The following FOXK1 variants were observed in gnomAD, a reference collection of about 807,000 sequenced individuals.
The protein encoded by FOXK1 is forkhead box protein K1.
FOXK1 carries 19 observed loss-of-function variants against 51.9 expected under a neutral mutation model. That is an observed-to-expected ratio of 0.37 (90% confidence interval 0.26 to 0.54). The LOEUF is 0.54. Among genes scored for constraint, FOXK1 ranks in the 20% least tolerant of loss-of-function variants. The probability of loss-of-function intolerance (pLI) is 0.87; values close to 1 mark genes in which losing one functional copy is unlikely to be tolerated. For synonymous variants in FOXK1, 537 were observed against 482.6 expected, an observed-to-expected ratio of 1.11 and a Z score of -1.48; for missense variants, 870 against 1,032.7, an observed-to-expected ratio of 0.84 and a Z score of 2.16.
At chr7:4,736,882 C>T (rs186568256) in intron 1 of FOXK1, among the ~76,000 whole-genome samples, 25 of 152,336 alleles carry the variant, frequency 1.6e-4, no homozygotes, top group African/African-American at 5.3e-4. Flanking sequence ...GCACACCTTA[C>T]GGCTCTCATT....
intron 2 of FOXK1, among the ~76,000 whole-genome samples, chr7:4,742,137 G>A (rs986054381): frequency 6.6e-5 from 10 of 152,250 alleles, no homozygotes; most frequent in South Asian, 4.1e-4. Flanking sequence ...TCGCTCGCGC[G>A]TCACCAGCAA....
At chr7:4,721,595 T>C (rs905068928) in intron 1 of FOXK1, among the ~76,000 whole-genome samples, 19 of 143,022 alleles carry the variant, frequency 1.3e-4, no homozygotes, top group African/African-American at 3.9e-4. Flanking sequence ...TTTTCTTTTT[T>C]TTTTTTTTTT....
Position 4,743,904 on chromosome 7 carries a change from T to A in FOXK1, c.746+2881T>A, listed in dbSNP as rs1780667820. On this transcript the variant is annotated intron_variant, in intron 2 of 8. Coordinates refer to ENST00000328914, the MANE Select transcript of FOXK1 (RefSeq NM_001037165.2). This position sits in a 1 kb window ranked among gnomAD's most constrained non-coding sequence, Gnocchi z 5.3. The stretch of plus-strand genomic sequence containing the variant: ...CTTTTTTTTTTTTTTTGAGACGGAG[T>A]CTTGCTCTGTCGCCCAGGCTGGAGT... Among the ~76,000 whole-genome samples, 1 of 147,740 alleles carries A rather than the reference T, an allele frequency of 6.8e-6. No homozygotes were observed. The highest frequency in any genetic ancestry group is 1.5e-5 in the Non-Finnish European group (1 of 67,102).
chr7:4,712,919 A>G (rs1244160822), intron 1 of FOXK1, among the ~76,000 whole-genome samples: 1 of 152,188 alleles, frequency 6.6e-6, no homozygotes, highest in African/African-American at 2.4e-5. Flanking sequence ...TTATTTTTAA[A>G]TCGTGCTCAG....
chr7:4,702,450 C>G (rs1780032751), intron 1 of FOXK1, among the ~76,000 whole-genome samples: 1 of 152,168 alleles, frequency 6.6e-6, no homozygotes, highest in African/African-American at 2.4e-5. Context: ...TCAAGTGATT[C>G]TCCTGCCTCA....
chr7:4,770,760 A>T lies in FOXK1; in HGVS notation c.*8296A>T, dbSNP rs1446090941. ...ATGACAAAGGCCGGCAGCTCAGCAC[A>T]CGTGCAGGAGGGGTTAAAGCCAATA... On this transcript the variant is annotated 3_prime_UTR_variant, in exon 9 of 9. Coordinates refer to ENST00000328914, the MANE Select transcript of FOXK1 (RefSeq NM_001037165.2). 6.6e-6 allele frequency: 1 copy of T among 151,954 alleles called. No individual in the cohort carries two copies. Among genetic ancestry groups the T allele is most frequent in the Non-Finnish European group, 1.5e-5 (1 of 68,022 alleles). The allele number at this position is 151,954 out of a possible 1,614,324, so 9.4% of individuals were successfully genotyped here.
At chr7:4,724,761 C>T (rs578047054) in intron 1 of FOXK1, among the ~76,000 whole-genome samples, 6 of 152,254 alleles carry the variant, frequency 3.9e-5, no homozygotes, top group Admixed American at 1.3e-4. Flanking sequence ...GCCAGTGCCC[C>T]GGTCATTATG....
chr7:4,717,174 G>A (rs1780245834), intron 1 of FOXK1, among the ~76,000 whole-genome samples: 1 of 150,118 alleles, frequency 6.7e-6, no homozygotes, highest in Admixed American at 6.7e-5. Flanking sequence ...AGGTGATGGT[G>A]GGAGGTGCAT....
At chr7:4,708,955 C>T (rs922986648) in intron 1 of FOXK1, among the ~76,000 whole-genome samples, 10 of 151,706 alleles carry the variant, frequency 6.6e-5, no homozygotes, top group African/African-American at 2.2e-4. Context: ...GTCCCAGCTA[C>T]TCGGGAGACT....
chr7:4,709,893 A>C lies in FOXK1; in HGVS notation c.560+27025A>C, dbSNP rs1036378608. ...GGATCGAATGAGTTCACTTAGAACA[A>C]CGCGTGACACGTTTGAACACGGAAG... On this transcript the variant is annotated intron_variant, in intron 1 of 8. Coordinates refer to ENST00000328914, the MANE Select transcript of FOXK1 (RefSeq NM_001037165.2). This position sits in a 1 kb window ranked among gnomAD's most constrained non-coding sequence, Gnocchi z 5.6. Among the ~76,000 whole-genome samples the C allele has an allele frequency of 1.2e-4, 18 of 152,212 alleles. No homozygotes were observed. Among genetic ancestry groups the C allele is most frequent in the African/African-American group, 4.3e-4 (18 of 41,458 alleles).
Position 4,768,980 on chromosome 7 carries a change from A to G in FOXK1, c.*6516A>G, listed in dbSNP as rs1307042853. On this transcript the variant is annotated 3_prime_UTR_variant, in exon 9 of 9. Transcript: ENST00000328914. Reference sequence around the variant, plus strand: ...AGCTCTGTGGGTCACCAAGACTGGCATTTTCCTTGTATTTTTGTGCAGGGC... The same window carrying G: ...AGCTCTGTGGGTCACCAAGACTGGCGTTTTCCTTGTATTTTTGTGCAGGGC... 2 of 152,014 alleles carry G rather than the reference A, an allele frequency of 1.3e-5. No individual in the cohort carries two copies. The highest frequency in any genetic ancestry group is 4.8e-5 in the African/African-American group (2 of 41,394). 9.4% of individuals were successfully genotyped at this position (152,014 alleles called of 1,614,324 possible).
chr7:4,711,740 C>T lies in FOXK1; in HGVS notation c.560+28872C>T, dbSNP rs1458154488. On this transcript the variant is annotated intron_variant, in intron 1 of 8. Transcript: ENST00000328914. This position sits in a 1 kb window ranked among gnomAD's most constrained non-coding sequence, Gnocchi z 6.3. Reference sequence around the variant, plus strand: ...AGGAGGCCAGCTCTGTGTCACCCACCAGGCTGGGCTCAGCCACAAGTCGGC... The same window carrying T: ...AGGAGGCCAGCTCTGTGTCACCCACTAGGCTGGGCTCAGCCACAAGTCGGC... Among the ~76,000 whole-genome samples the T allele has an allele frequency of 7.9e-5, 12 of 152,346 alleles. No individual in the cohort carries two copies. The highest frequency in any genetic ancestry group is 3.3e-4 in the Admixed American group (5 of 15,302).
Position 4,768,041 on chromosome 7 carries a change from A to G in FOXK1, c.*5577A>G, listed in dbSNP as rs896366364. The G allele has an allele frequency of 3.3e-5, 5 of 151,438 alleles. No individual in the cohort carries two copies. Among genetic ancestry groups the G allele is most frequent in the Non-Finnish European group, 5.9e-5 (4 of 67,936 alleles). 9.4% of individuals were successfully genotyped at this position (151,438 alleles called of 1,614,324 possible). ...AAACCCCGAAGTCACAGCTGCTTAGAAGAATGGGATTTTGGGGATACAACC... is the reference window on the plus strand; with the variant it reads ...AAACCCCGAAGTCACAGCTGCTTAGGAGAATGGGATTTTGGGGATACAACC... On this transcript the variant is annotated 3_prime_UTR_variant, in exon 9 of 9. Transcript: ENST00000328914.
At chr7:4,690,383 C>G (rs1033347507) in intron 1 of FOXK1, among the ~76,000 whole-genome samples, 1 of 152,204 alleles carries the variant, frequency 6.6e-6, no homozygotes, top group Admixed American at 6.5e-5. Context: ...TAGTGTTTTG[C>G]TAGTTGGCAG....
chr7:4,749,943 T>C lies in FOXK1; in HGVS notation c.747-4516T>C, dbSNP rs150076142. Among the ~76,000 whole-genome samples the C allele has an allele frequency of 1.3e-5, 2 of 152,330 alleles. No individual in the cohort carries two copies. The highest frequency in any genetic ancestry group is 3.9e-4 in the East Asian group (2 of 5,184). On this transcript the variant is annotated intron_variant, in intron 2 of 8. Transcript: ENST00000328914. The surrounding 1 kb of genome is among the most constrained non-coding windows in gnomAD (Gnocchi z 6.0). ...CCTCTGCAGTCTCCCTGCACTGGCA[T>C]GTCCTGGGTGGTCCCAGTGGCACCT...
In FOXK1 at chr7:4,758,903, G is replaced by A; in HGVS notation, c.1245-148G>A. ...TTAAAGGCTGGGTTCAGGTTACGGG[G>A]GCGTTTCTCACCGTCTGAATGCGGA... On this transcript the variant is annotated intron_variant, in intron 5 of 8. Coordinates refer to ENST00000328914, the MANE Select transcript of FOXK1 (RefSeq NM_001037165.2). The surrounding 1 kb of genome is among the most constrained non-coding windows in gnomAD (Gnocchi z 4.4). 1 of 794,864 alleles carries A rather than the reference G, an allele frequency of 1.3e-6. No individual in the cohort carries two copies. The highest frequency in any genetic ancestry group is 1.9e-6 in the Non-Finnish European group (1 of 514,794). The allele number at this position is 794,864 out of a possible 1,614,324, so 49.2% of individuals were successfully genotyped here. A position where few individuals can be genotyped will look rare whatever the true frequency, so the allele number is the denominator to read the frequency against.
In FOXK1 at chr7:4,682,349, T is replaced by A; in HGVS notation, c.41T>A (p.Leu14His). The A allele has an allele frequency of 4.0e-6, 4 of 993,092 alleles. No individual in the cohort carries two copies. Among genetic ancestry groups the A allele is most frequent in the Non-Finnish European group, 4.8e-6 (4 of 837,072 alleles). The allele number at this position is 993,092 out of a possible 1,614,324, so 61.5% of individuals were successfully genotyped here. A position where few individuals can be genotyped will look rare whatever the true frequency, so the allele number is the denominator to read the frequency against. ...VGEDSGARAL[L>H]ALRSAPCSPV... ...GAGGACAGCGGCGCCCGCGCCCTGCTCGCGCTGCGCTCGGCGCCCTGCAGC... is the reference window on the plus strand; with the variant it reads ...GAGGACAGCGGCGCCCGCGCCCTGCACGCGCTGCGCTCGGCGCCCTGCAGC... Residue 14 changes from leucine to histidine, a missense_variant, in exon 1 of 9, where the codon CTC (leucine) becomes CAC (histidine). Coordinates refer to ENST00000328914, the MANE Select transcript of FOXK1 (RefSeq NM_001037165.2). This position sits in a 1 kb window ranked among gnomAD's most constrained non-coding sequence, Gnocchi z 7.6.
chr7:4,740,766 C>T (rs1201701830), intron 1 of FOXK1, 72 bp from the exon 2 acceptor site: 1 of 1,472,882 alleles, frequency 6.8e-7, no homozygotes, highest in African/African-American at 1.5e-5. Flanking sequence ...CACAGACACG[C>T]ACCTTCCCTG....
rs1171944359 is a variant in FOXK1, at chr7:4,757,105, A to G, written c.1162A>G (p.Lys388Glu). The G allele has an allele frequency of 1.2e-6, 2 of 1,613,660 alleles. No homozygotes were observed. Among genetic ancestry groups the G allele is most frequent in the Non-Finnish European group, 1.7e-6 (2 of 1,179,986 alleles). Residue 388 changes from lysine (K) to glutamate (E), a missense_variant, in exon 5 of 9, where the codon AAG (lysine) becomes GAG (glutamate). Physicochemically the swap from Lys to Glu is moderately conservative, Grantham distance 56. This residue lies in a region of FOXK1 where 457 missense variants were observed against 510.8 expected (regional missense o/e 0.89). Coordinates refer to ENST00000328914, the MANE Select transcript of FOXK1 (RefSeq NM_001037165.2). ...FWRIDPASEA[K>E]LVEQAFRKRR... ...GCGAATAGACCCTGCCTCTGAAGCC[A>G]AGCTCGTGGAACAGGCATTCCGGAA...
Sources: gnomAD v4.1 joint callset for allele counts (sites outside exome capture counted in the v4.1 genomes callset) on GRCh38, gnomAD v4.1.1 for gene constraint, gnomAD v4.1.1 regional missense constraint, Gnocchi (gnomAD v3.1) non-coding constraint, MANE v1.5 for transcripts, NCBI Gene and HGNC (gene_info 2026-07-23, HGNC 2026-07-21) for gene names.